TFAP2D: variants seen among roughly 807,000 people sequenced by gnomAD.
TFAP2D encodes the protein transcription factor AP-2 delta, also known as transcription factor AP-2-delta.
TFAP2D carries 9 observed loss-of-function variants against 43.6 expected under a neutral mutation model. The ratio of observed to expected loss-of-function variants is 0.21; its 90% confidence interval spans 0.12 to 0.36. TFAP2D has a LOEUF of 0.36. TFAP2D is among the 10% of genes least tolerant of loss of function. The pLI is 1.00. For synonymous variants in TFAP2D, 256 were observed against 224.9 expected (o/e 1.14, Z -1.24); for missense variants, 513 against 561.4 (o/e 0.91, Z 0.87).
At chr6:50,740,218 T>C (rs1446611639) in intron 5 of TFAP2D, among the ~76,000 whole-genome samples, 3 of 152,236 alleles carry the variant, frequency 2.0e-5, no homozygotes, top group Non-Finnish European at 4.4e-5. Flanking sequence ...TACAAATTGT[T>C]ATTTTCATTT....
At chr6:50,764,264 T>G (rs1468762020) in intron 7 of TFAP2D, among the ~76,000 whole-genome samples, 1 of 152,198 alleles carries the variant, frequency 6.6e-6, no homozygotes, top group Non-Finnish European at 1.5e-5. Flanking sequence ...GTCTCAATTT[T>G]ATTTATTATA....
chr6:50,719,286 C>A, intron 3 of TFAP2D, 136 bp downstream of exon 3: 2 of 883,474 alleles, frequency 2.3e-6, no homozygotes, highest in South Asian at 1.6e-5. Context: ...TATTCTAGTC[C>A]AACACTGGCA....
chr6:50,767,004 T>C (rs1326740422), intron 7 of TFAP2D, among the ~76,000 whole-genome samples: 1 of 152,176 alleles, frequency 6.6e-6, no homozygotes, highest in African/African-American at 2.4e-5. Context: ...TTCACATAGT[T>C]CACTGGTACT....
intron 3 of TFAP2D, among the ~76,000 whole-genome samples, chr6:50,723,802 C>T (rs1000616710): frequency 1.3e-5 from 2 of 152,086 alleles, no homozygotes; most frequent in South Asian, 2.1e-4. Context: ...ACTTTTTGCA[C>T]TGGGGAATGG....
chr6:50,730,290 C>T (rs1178705034), intron 5 of TFAP2D, among the ~76,000 whole-genome samples: 1 of 152,066 alleles, frequency 6.6e-6, no homozygotes, highest in Non-Finnish European at 1.5e-5. Flanking sequence ...GGCAGAATTG[C>T]TTTGGTGATT....
At chr6:50,753,164 G>A (rs1769222076) in intron 7 of TFAP2D, among the ~76,000 whole-genome samples, 2 of 151,766 alleles carry the variant, frequency 1.3e-5, no homozygotes, top group African/African-American at 4.8e-5. Context: ...GTTTGATTCC[G>A]GATTTAAAGA....
chr6:50,715,157 T>G lies in TFAP2D; in HGVS notation c.81T>G (p.Leu27=). Residue 27 remains leucine (L), a synonymous_variant, in exon 2 of 8, where the codon CTT becomes CTG. Coordinates refer to ENST00000008391, the MANE Select transcript of TFAP2D (RefSeq NM_172238.4). ...DGSNSYRLMQ[L]GCLESVANST... ...CAAACAGCTACCGTTTGATGCAGCT[T>G]GGCTGTCTGGAGTCAGTAGCCAATT... 1.9e-6 allele frequency: 3 copies of G among 1,614,106 alleles called. No individual in the cohort carries two copies. Among genetic ancestry groups the G allele is most frequent in the South Asian group, 2.2e-5 (2 of 91,084 alleles).
chr6:50,770,245 A>G (rs1769505165), intron 7 of TFAP2D, among the ~76,000 whole-genome samples: 1 of 152,156 alleles, frequency 6.6e-6, no homozygotes, highest in Admixed American at 6.6e-5. Flanking sequence ...TAGTTGTCTC[A>G]TTGTAGAAAT....
intron 5 of TFAP2D, among the ~76,000 whole-genome samples, chr6:50,741,949 A>G (rs988801990): frequency 3.9e-5 from 6 of 152,070 alleles, no homozygotes; most frequent in African/African-American, 1.2e-4. Context: ...TTGTGCCACC[A>G]CAGAGGCAGA....
chr6:50,722,970 C>T (rs993022438), intron 3 of TFAP2D, among the ~76,000 whole-genome samples: 4 of 152,218 alleles, frequency 2.6e-5, no homozygotes, highest in Non-Finnish European at 5.9e-5. Flanking sequence ...GGAGCGGACC[C>T]GGCCATGGGC....
chr6:50,724,343 T>C (rs184186535), intron 3 of TFAP2D, among the ~76,000 whole-genome samples: 1 of 152,344 alleles, frequency 6.6e-6, no homozygotes, highest in Admixed American at 6.5e-5. Flanking sequence ...CTGCCGTTTG[T>C]ATTTCTTTCA....
intron 1 of TFAP2D, 135 bp downstream of exon 1, chr6:50,714,229 C>A: frequency 9.8e-7 from 1 of 1,022,776 alleles, no homozygotes; most frequent in Non-Finnish European, 1.4e-6. Flanking sequence ...TAATTATAAT[C>A]TGTCTTTCGG....
At chr6:50,715,733 T>G in intron 2 of TFAP2D, 120 bp downstream of exon 2, 1 of 687,130 alleles carries the variant, frequency 1.5e-6, no homozygotes, top group Non-Finnish European at 2.3e-6. Flanking sequence ...TCTCTCTCTC[T>G]CTCTCTCTCT....
rs1388737764 is a variant in TFAP2D at position 50,721,359 on chromosome 6, T to C, written c.598+2209T>C. Reference sequence around the variant, plus strand: ...TGAGTTTATTCCATTTCCACGTGTCTTAGAGAAAGGCCAGTTAACCTAGTT... The same window carrying C: ...TGAGTTTATTCCATTTCCACGTGTCCTAGAGAAAGGCCAGTTAACCTAGTT... On this transcript the variant is annotated intron_variant, in intron 3 of 7. Coordinates refer to ENST00000008391, the MANE Select transcript of TFAP2D (RefSeq NM_172238.4). Among the ~76,000 whole-genome samples, 8 of 152,336 alleles carry C rather than the reference T, an allele frequency of 5.3e-5. No homozygotes were observed. In the East Asian group the frequency reaches 1.4e-3, roughly 26 times the overall value.
At chr6:50,747,013 T>G (rs888238768) in intron 6 of TFAP2D, among the ~76,000 whole-genome samples, 1 of 152,090 alleles carries the variant, frequency 6.6e-6, no homozygotes, top group African/African-American at 2.4e-5. Context: ...AAGAAACTTA[T>G]AAGGCAGGTA....
intron 5 of TFAP2D, among the ~76,000 whole-genome samples, chr6:50,739,530 C>T (rs1769008487): frequency 6.6e-6 from 1 of 152,034 alleles, no homozygotes; most frequent in South Asian, 2.1e-4. Flanking sequence ...TTTTTTAAAG[C>T]AAATTTCTAG....
chr6:50,736,023 A>G (rs1044546145), intron 5 of TFAP2D, among the ~76,000 whole-genome samples: 5 of 152,200 alleles, frequency 3.3e-5, no homozygotes, highest in African/African-American at 1.2e-4. Flanking sequence ...GGTACCAACA[A>G]TGGGCTTTTT....
At chr6:50,759,300 T>G (rs774296626) in intron 7 of TFAP2D, among the ~76,000 whole-genome samples, 3 of 151,980 alleles carry the variant, frequency 2.0e-5, no homozygotes, top group Non-Finnish European at 4.4e-5. Context: ...AGTCTCCACT[T>G]GGTTACCAGC....
At chr6:50,723,914 CTT>C (rs940807109) in intron 3 of TFAP2D, among the ~76,000 whole-genome samples, 3 of 152,196 alleles carry the variant, frequency 2.0e-5, no homozygotes, top group Non-Finnish European at 2.9e-5. Context: ...GCACACCTCT[CTT>C]TTGTTCTGCC....
Sources: gnomAD v4.1 joint callset for allele counts (sites outside exome capture counted in the v4.1 genomes callset) on GRCh38, gnomAD v4.1.1 for gene constraint, MANE v1.5 for transcripts, NCBI Gene and HGNC (gene_info 2026-07-23, HGNC 2026-07-21) for gene names.